ZNF827: variants seen among roughly 807,000 people sequenced by gnomAD.
ZNF827 encodes zinc finger protein 827.
A neutral mutation model predicts 102.4 loss-of-function variants in ZNF827; 13 were observed. The ratio of observed to expected loss-of-function variants is 0.13; its 90% CI spans 0.08 to 0.20. The LOEUF (loss-of-function observed/expected upper bound fraction) is 0.20. ZNF827 is among the 10% of genes least tolerant of loss of function. ZNF827 has a pLI of 1.00. For synonymous variants in ZNF827, 523 were observed against 536.2 expected (o/e 0.98, Z 0.34); for missense variants, 1,103 against 1,344.4 (o/e 0.82, Z 2.81).
At chr4:145,889,646 C>T (rs1750429037) in intron 3 of ZNF827, among the ~76,000 whole-genome samples, 1 of 151,382 alleles carries the variant, frequency 6.6e-6, no homozygotes, top group South Asian at 2.1e-4. Context: ...CTCCGCCTCC[C>T]GTACTGACCC....
chr4:145,768,360 T>G (rs1041001039), intron 11 of ZNF827, among the ~76,000 whole-genome samples: 2 of 152,128 alleles, frequency 1.3e-5, no homozygotes, highest in Admixed American at 6.5e-5. Flanking sequence ...AGACAGGGTT[T>G]CACCATGTTG....
At chr4:145,905,886 G>A (rs530364426) in intron 1 of ZNF827, among the ~76,000 whole-genome samples, 8 of 152,130 alleles carry the variant, frequency 5.3e-5, no homozygotes, top group East Asian at 1.9e-4. Flanking sequence ...GTGAAGTAAC[G>A]GGAAAATATA....
At chr4:145,791,347 G>A (rs1475945608) in intron 8 of ZNF827, among the ~76,000 whole-genome samples, 3 of 152,186 alleles carry the variant, frequency 2.0e-5, no homozygotes, top group African/African-American at 7.2e-5. Context: ...CAAGACCTAA[G>A]CACTTCCCAA....
At chr4:145,768,069 TAGG>T (rs1275170213) in intron 11 of ZNF827, among the ~76,000 whole-genome samples, 2 of 152,222 alleles carry the variant, frequency 1.3e-5, no homozygotes, top group Non-Finnish European at 2.9e-5. Flanking sequence ...GTATAAACGC[TAGG>T]AGGAGAGAAA....
intron 9 of ZNF827, 130 bp from the exon 10 acceptor site, chr4:145,776,090 A>G: frequency 1.0e-6 from 1 of 1,003,840 alleles, no homozygotes; most frequent in Admixed American, 2.4e-5. Flanking sequence ...GACAATGGTA[A>G]TGCCTAGGAA....
At chr4:145,766,154 T>C (rs931779850) in intron 11 of ZNF827, among the ~76,000 whole-genome samples, 5 of 152,146 alleles carry the variant, frequency 3.3e-5, no homozygotes, top group African/African-American at 2.4e-5. Flanking sequence ...TAATCTGGCC[T>C]AGATCATATG....
At chr4:145,868,900 G>C (rs1748440331) in intron 5 of ZNF827, among the ~76,000 whole-genome samples, 1 of 152,142 alleles carries the variant, frequency 6.6e-6, no homozygotes, top group Non-Finnish European at 1.5e-5. Flanking sequence ...TGACCTCTTT[G>C]AATTTATCAG....
Position 145,857,240 on chromosome 4 carries a change from C to T in ZNF827, c.1982-7679G>A, listed in dbSNP as rs111410075. Among the ~76,000 whole-genome samples, 298 of 152,274 alleles carry T rather than the reference C, an allele frequency of 2.0e-3. 4 individuals carry two copies. Among genetic ancestry groups the T allele is most frequent in the African/African-American group, 6.2e-3 (257 of 41,560 alleles). ...CTTAGAGTCAATTTTAGAAAAACAC[C>T]TGAGAAGCACCAGGTATTCTATTTT... On this transcript the variant is annotated intron_variant, in intron 5 of 14. Transcript: ENST00000508784.
intron 4 of ZNF827, among the ~76,000 whole-genome samples, chr4:145,884,413 A>C (rs1274073660): frequency 1.3e-5 from 2 of 152,190 alleles, no homozygotes; most frequent in East Asian, 3.8e-4. Context: ...TTCCATTTAA[A>C]GGAAGGTGGT....
intron 11 of ZNF827, among the ~76,000 whole-genome samples, chr4:145,770,666 C>T (rs1395972922): frequency 6.6e-6 from 1 of 151,898 alleles, no homozygotes; most frequent in Non-Finnish European, 1.5e-5. Flanking sequence ...ACAGAGTTGG[C>T]TCTCAAAAAA....
intron 8 of ZNF827, among the ~76,000 whole-genome samples, chr4:145,807,031 A>T (rs1579245234): frequency 6.6e-6 from 1 of 152,218 alleles, no homozygotes; most frequent in East Asian, 1.9e-4. Context: ...AATGGAAATG[A>T]CTGTGATCAT....
In ZNF827 at chr4:145,902,263, T is replaced by G. The variant is rs931230669; in HGVS notation, c.996A>C (p.Pro332=). Residue 332 remains proline (P), a synonymous_variant, in exon 2 of 15, where the codon CCA becomes CCC. Coordinates refer to ENST00000508784, the MANE Select transcript of ZNF827 (RefSeq NM_001306215.2). This position sits in a 1 kb window ranked among gnomAD's most constrained non-coding sequence, Gnocchi z 4.3. ...GTGGTGGAGGTGGTGGAGGTGGCGG[T>G]GGAGGTGGCGGAGTGACTTTTTCTG... is the stretch of plus-strand genomic sequence containing the variant. ...KKPEKVTPPP[P]PPPPPPPPPP... 6.3e-6 allele frequency: 10 copies of G among 1,592,386 alleles called. No individual in the cohort carries two copies. The highest frequency in any genetic ancestry group is 1.7e-5 in the Admixed American group (1 of 57,244).
chr4:145,786,813 T>C (rs1738930731), intron 8 of ZNF827, among the ~76,000 whole-genome samples: 1 of 152,202 alleles, frequency 6.6e-6, no homozygotes, highest in Non-Finnish European at 1.5e-5. Flanking sequence ...CTGTATCCCT[T>C]TTTAATTTTT....
At chr4:145,889,105 G>A (rs933008341) in intron 3 of ZNF827, among the ~76,000 whole-genome samples, 5 of 152,226 alleles carry the variant, frequency 3.3e-5, no homozygotes, top group East Asian at 1.9e-4. Flanking sequence ...TTGGTGATGG[G>A]ATTAAGGATC....
At chr4:145,789,288 G>C (rs1739332411) in intron 8 of ZNF827, among the ~76,000 whole-genome samples, 1 of 152,150 alleles carries the variant, frequency 6.6e-6, no homozygotes, top group Non-Finnish European at 1.5e-5. Flanking sequence ...CTGTGGTTAA[G>C]CTGAACATGA....
rs574576322 is a variant in ZNF827, at chr4:145,769,650, T to C, written c.2861-3912A>G. Among the ~76,000 whole-genome samples, 3 of 152,294 alleles carry C rather than the reference T, an allele frequency of 2.0e-5. No homozygotes were observed. The South Asian group carries it at 6.2e-4, about 32-fold the overall frequency. ...TTTCTGTCCTCATCTTGTTTTGCTATGTCTGTGGAAAGAGCCAGGGTGCCC... is the reference window on the plus strand; with the variant it reads ...TTTCTGTCCTCATCTTGTTTTGCTACGTCTGTGGAAAGAGCCAGGGTGCCC... On this transcript the variant is annotated intron_variant, in intron 11 of 14. Transcript: ENST00000508784.
Position 145,870,321 on chromosome 4 carries a change from G to A in ZNF827, c.1905C>T (p.Pro635=). The A allele has an allele frequency of 6.2e-7, 1 of 1,614,078 alleles. No homozygotes were observed. Among genetic ancestry groups the A allele is most frequent in the South Asian group, 1.1e-5 (1 of 91,070 alleles). ...APGVSEDALK[P]QEGKGSVLRR... ...TTAGCACACTTCCCTTCCCTTCCTG[G>A]GGCTTTAGTGCGTCCTCAGAGACGC... The change falls in exon 5 of 15, where the codon CCC becomes CCT. Residue 635 remains proline (P), a synonymous_variant. Coordinates refer to ENST00000508784, the MANE Select transcript of ZNF827 (RefSeq NM_001306215.2).
intron 1 of ZNF827, among the ~76,000 whole-genome samples, chr4:145,923,358 A>G (rs1003760007): frequency 1.3e-5 from 2 of 151,896 alleles, no homozygotes; most frequent in East Asian, 1.9e-4. Context: ...TAATACCAGC[A>G]CTTTGGGATG....
At chr4:145,932,457 A>G (rs532964836) in intron 1 of ZNF827, among the ~76,000 whole-genome samples, 1 of 150,610 alleles carries the variant, frequency 6.6e-6, no homozygotes, top group Non-Finnish European at 1.5e-5. Flanking sequence ...ACATGTTGAC[A>G]TTAATAGAAC....
Sources: allele counts gnomAD v4.1 joint callset (sites outside exome capture counted in the v4.1 genomes callset), GRCh38; gene constraint gnomAD v4.1.1; non-coding constraint Gnocchi (gnomAD v3.1); transcripts MANE v1.5; gene names NCBI Gene and HGNC (gene_info 2026-07-23, HGNC 2026-07-21).